FBXW11: variants seen among roughly 807,000 people sequenced by gnomAD.
The protein encoded by FBXW11 is F-box and WD repeat domain containing 11.
In FBXW11, 19 loss-of-function variants were observed where a neutral mutation model predicts 77.6. The observed-to-expected ratio is 0.24, with a 90% CI of 0.17 to 0.36. FBXW11 has a LOEUF of 0.36. FBXW11 is among the 10% of genes least tolerant of loss of function. FBXW11 has a pLI of 1.00. For synonymous variants in FBXW11, 235 were observed against 249.4 expected (o/e 0.94, Z 0.54); for missense variants, 334 against 704.2 (o/e 0.47, Z 5.95).
At chr5:171,912,138 ATAAATATC>A (rs1760917964) in intron 3 of FBXW11, among the ~76,000 whole-genome samples, 1 of 152,324 alleles carries the variant, frequency 6.6e-6, no homozygotes, top group African/African-American at 2.4e-5. Flanking sequence ...AACATCCTTT[ATAAATATC>A]CAAAGGAGTC....
At chr5:171,910,247 G>A (rs974414387) in intron 4 of FBXW11, among the ~76,000 whole-genome samples, 4 of 151,746 alleles carry the variant, frequency 2.6e-5, no homozygotes, top group Non-Finnish European at 5.9e-5. Flanking sequence ...TGTACTTTTA[G>A]TAAAGACAGG....
intron 1 of FBXW11, among the ~76,000 whole-genome samples, chr5:171,983,590 C>T (rs1243459741): frequency 6.6e-6 from 1 of 152,130 alleles, no homozygotes; most frequent in Non-Finnish European, 1.5e-5. Flanking sequence ...GAACACACAG[C>T]TGGTGCCCGC....
chr5:171,983,519 A>T (rs1765266065), intron 1 of FBXW11, among the ~76,000 whole-genome samples: 1 of 152,094 alleles, frequency 6.6e-6, no homozygotes, highest in Non-Finnish European at 1.5e-5. Flanking sequence ...TCGGGGACCA[A>T]GCCCTCAATC....
At chr5:171,889,704 T>C (rs988995225) in intron 7 of FBXW11, among the ~76,000 whole-genome samples, 3 of 150,542 alleles carry the variant, frequency 2.0e-5, no homozygotes, top group Non-Finnish European at 4.4e-5. Flanking sequence ...CTGACCAACA[T>C]GGAGAAACCC....
chr5:171,869,604 C>A lies in FBXW11; in HGVS notation c.1530+125G>T. The A allele has an allele frequency of 3.4e-6, 2 of 594,364 alleles. No individual in the cohort carries two copies. Among genetic ancestry groups the A allele is most frequent in the Non-Finnish European group, 2.8e-6 (1 of 360,734 alleles). The allele number at this position is 594,364 out of a possible 1,614,324, so 36.8% of individuals were successfully genotyped here. ...TGGTTTTGGCTAAACAAAATGAAGA[C>A]TGAAATTCTCTGAAGGCATCTTGTG... is the stretch of plus-strand genomic sequence containing the variant. On this transcript the variant is annotated intron_variant, in intron 12 of 13. Coordinates refer to ENST00000517395, the MANE Select transcript of FBXW11 (RefSeq NM_001378974.1). This position sits in a 1 kb window ranked among gnomAD's most constrained non-coding sequence, Gnocchi z 4.1.
intron 7 of FBXW11, among the ~76,000 whole-genome samples, chr5:171,890,833 G>T (rs1029037417): frequency 6.6e-6 from 1 of 152,126 alleles, no homozygotes; most frequent in African/African-American, 2.4e-5. Flanking sequence ...TCCATATCGT[G>T]ATTTTTGTAA....
At chr5:172,001,393 T>C (rs764223185) in intron 1 of FBXW11, among the ~76,000 whole-genome samples, 3 of 152,248 alleles carry the variant, frequency 2.0e-5, no homozygotes, top group South Asian at 4.1e-4. Context: ...GAAAAGAGGA[T>C]AGTTAAGACA....
chr5:171,887,856 A>C (rs1759024157), intron 7 of FBXW11, among the ~76,000 whole-genome samples: 1 of 151,796 alleles, frequency 6.6e-6, no homozygotes, highest in African/African-American at 2.4e-5. Context: ...ACAGGGTTTC[A>C]CCATGTTGGC....
intron 1 of FBXW11, among the ~76,000 whole-genome samples, chr5:171,986,768 T>C (rs1178085879): frequency 6.6e-6 from 1 of 151,728 alleles, no homozygotes; most frequent in African/African-American, 2.4e-5. Context: ...CCACATAAAA[T>C]ATGTTTGTGA....
chr5:171,914,513 C>A, intron 2 of FBXW11, 108 bp from the exon 3 acceptor site: 1 of 899,706 alleles, frequency 1.1e-6, no homozygotes, highest in Non-Finnish European at 1.6e-6. Context: ...AATACAAACC[C>A]AAGAACTATT....
chr5:171,980,913 CA>C (rs1305803713), intron 1 of FBXW11, among the ~76,000 whole-genome samples: 1 of 152,036 alleles, frequency 6.6e-6, no homozygotes, highest in Non-Finnish European at 1.5e-5. Context: ...TTTTGTTATT[CA>C]AAATAAGCCA....
chr5:171,887,658 TTTTC>T (rs1430489022), intron 7 of FBXW11, among the ~76,000 whole-genome samples: 2 of 151,804 alleles, frequency 1.3e-5, no homozygotes, highest in East Asian at 3.9e-4. Context: ...TTGTTTTCTG[TTTTC>T]TTTCTTTTTT....
In FBXW11 at chr5:171,876,384, G is replaced by A. The variant is rs1208509069; in HGVS notation, c.1122C>T (p.Ile374=). ...AVWDMASATD[I]TLRRVLVGHR... is the part of the protein sequence containing the mutation. ...GGCCAACCAGGACACGGCGTAAAGT[G>A]ATGTCGGTCGCAGAAGCCATGTCCC... is the stretch of plus-strand genomic sequence containing the variant. Residue 374 remains isoleucine (I), a synonymous_variant, in exon 9 of 14, where the codon ATC becomes ATT. Transcript: ENST00000517395. The surrounding 1 kb of genome is among the most constrained non-coding windows in gnomAD (Gnocchi z 4.2). The A allele has an allele frequency of 1.9e-6, 3 of 1,614,104 alleles. No homozygotes were observed. Among genetic ancestry groups the A allele is most frequent in the African/African-American group, 1.3e-5 (1 of 75,038 alleles).
rs1554099779 is a variant in FBXW11 at position 171,913,834 on chromosome 5, C to CACACAT, written c.210+508_210+509insATGTGT. Among the ~76,000 whole-genome samples the CACACAT allele has an allele frequency of 5.4e-3, 749 of 138,176 alleles. 16 individuals are homozygous for CACACAT. The highest frequency in any genetic ancestry group is 0.018 in the African/African-American group (674 of 36,490). 90.6% of individuals were successfully genotyped at this position (138,176 alleles called of 152,430 possible). A position where few individuals can be genotyped will look rare whatever the true frequency, so the allele number is the denominator to read the frequency against. On this transcript the variant is annotated intron_variant, in intron 3 of 13. Transcript: ENST00000517395. ...ACACACACATACACACACACACACA[C>CACACAT]ACACACACACACACACACACACACA...
At chr5:171,977,963 C>T (rs1764929578) in intron 1 of FBXW11, among the ~76,000 whole-genome samples, 1 of 152,124 alleles carries the variant, frequency 6.6e-6, no homozygotes, top group South Asian at 2.1e-4. Context: ...AAAGAACTGA[C>T]TGCTGCTAGA....
intron 2 of FBXW11, among the ~76,000 whole-genome samples, chr5:171,952,444 TATA>T (rs1264875695): frequency 0.015 from 381 of 24,716 alleles, 27 homozygotes; most frequent in African/African-American, 0.06. Flanking sequence ...TATATATATA[TATA>T]TTTTTTTTTT....
intron 7 of FBXW11, among the ~76,000 whole-genome samples, chr5:171,880,986 C>T (rs933444990): frequency 5.3e-5 from 8 of 152,198 alleles, no homozygotes; most frequent in South Asian, 4.1e-4. Context: ...CGTGAGCCAC[C>T]GCGCCCAGCC....
intron 12 of FBXW11, 85 bp from the exon 13 acceptor site, chr5:171,868,881 A>T: frequency 7.8e-7 from 1 of 1,277,912 alleles, no homozygotes; most frequent in Non-Finnish European, 1.1e-6. Context: ...GAAGATGAAA[A>T]TGCAGCCACT....
chr5:171,924,764 CA>C (rs1761798096), intron 2 of FBXW11, among the ~76,000 whole-genome samples: 1 of 122,726 alleles, frequency 8.1e-6, no homozygotes, highest in African/African-American at 3.0e-5. Flanking sequence ...AAACACGTCC[CA>C]CCCCCCCACC....
Sources: allele counts gnomAD v4.1 joint callset (sites outside exome capture counted in the v4.1 genomes callset), GRCh38; gene constraint gnomAD v4.1.1; non-coding constraint Gnocchi (gnomAD v3.1); transcripts MANE v1.5; gene names NCBI Gene and HGNC (gene_info 2026-07-23, HGNC 2026-07-21).